The following TGFBR1 variants were observed in gnomAD, a reference collection of about 807,000 sequenced individuals.
The protein encoded by TGFBR1 is transforming growth factor beta receptor 1, also known as TGF-beta receptor type-1.
TGFBR1 carries 20 observed loss-of-function variants against 55.1 expected under a neutral mutation model. The ratio of observed to expected loss-of-function variants is 0.36; its 90% CI spans 0.26 to 0.53. The LOEUF is 0.53. Ranked by LOEUF, TGFBR1 falls within the 20% of genes least tolerant of loss-of-function variation. TGFBR1 has a pLI of 0.91. For synonymous variants in TGFBR1, 220 were observed against 214.8 expected, an observed-to-expected ratio of 1.02 and a Z score of -0.21; for missense variants, 385 against 617.6, an observed-to-expected ratio of 0.62 and a Z score of 3.99.
At chr9:99,125,942 A>G (rs1027727849) in intron 1 of TGFBR1, among the ~76,000 whole-genome samples, 2 of 152,198 alleles carry the variant, frequency 1.3e-5, no homozygotes, top group African/African-American at 4.8e-5. Flanking sequence ...TCCTGAGGCA[A>G]TGAAAGACCC....
At chr9:99,148,486 T>C (rs557814849) in intron 8 of TGFBR1, among the ~76,000 whole-genome samples, 2 of 152,170 alleles carry the variant, frequency 1.3e-5, no homozygotes, top group African/African-American at 4.8e-5. Context: ...GTTTGAAGAT[T>C]TGTAGCTTAA....
chr9:99,104,821 G>T (rs546299138), upstream of TGFBR1, among the ~76,000 whole-genome samples: 1 of 152,318 alleles, frequency 6.6e-6, no homozygotes, highest in African/African-American at 2.4e-5. Flanking sequence ...CGGGGCTAGC[G>T]GCTGAGCGGT....
At chr9:99,138,626 G>T (rs1020836231) in intron 4 of TGFBR1, among the ~76,000 whole-genome samples, 1 of 152,166 alleles carries the variant, frequency 6.6e-6, no homozygotes, top group Admixed American at 6.5e-5. Context: ...TAACTGTACG[G>T]ACACTTTTCT....
intron 1 of TGFBR1, among the ~76,000 whole-genome samples, chr9:99,107,359 A>G (rs538547257): frequency 6.6e-6 from 1 of 152,160 alleles, no homozygotes; most frequent in Non-Finnish European, 1.5e-5. Flanking sequence ...TCTCTGCCCA[A>G]CTTCTGTCTC....
rs1479309854 is a variant in TGFBR1 at position 99,144,775 on chromosome 9, C to G, written c.1017C>G (p.Ile339Met). The G allele has an allele frequency of 5.6e-6, 9 of 1,613,898 alleles. No individual in the cohort carries two copies. The highest frequency in any genetic ancestry group is 6.8e-6 in the Non-Finnish European group (8 of 1,179,912). The change falls in exon 6 of 9, where the codon ATC becomes ATG. Residue 339 changes from isoleucine (I) to methionine (M), a missense_variant. This residue lies in a region of TGFBR1 where 85 missense variants were observed against 228.4 expected (regional missense o/e 0.37). Coordinates refer to ENST00000374994, the MANE Select transcript of TGFBR1 (RefSeq NM_004612.4). ...ATAGAGATTTGAAATCAAAGAATAT[C>G]TTGGTAAAGAAGAATGGAACTTGCT... ...IAHRDLKSKNILVKKNGTCCI... is the reference protein window; with the variant it reads ...IAHRDLKSKNMLVKKNGTCCI...
intron 6 of TGFBR1, chr9:99,145,783 T>G (rs1330495725): frequency 2.0e-5 from 3 of 152,750 alleles, no homozygotes; most frequent in Admixed American, 2.0e-4. Context: ...AACTACTGTC[T>G]TGGCCTTGGA....
At chr9:99,128,434 T>G (rs1313736955) in intron 1 of TGFBR1, among the ~76,000 whole-genome samples, 1 of 150,182 alleles carries the variant, frequency 6.7e-6, no homozygotes. Flanking sequence ...CACACATTGC[T>G]TCTCAAAGGA....
At chr9:99,105,384 A>C in intron 1 of TGFBR1, 82 bp downstream of exon 1, 29 of 932,820 alleles carry the variant, frequency 3.1e-5, no homozygotes, top group South Asian at 4.8e-5. Flanking sequence ...TCTTTCTCAA[A>C]CATGGCGCGG....
rs889497186 is a variant in TGFBR1, at chr9:99,142,771, G to A, written c.973+68G>A. The stretch of plus-strand genomic sequence containing the variant: ...ATGAATAATGTCTATGAAAATAGAA[G>A]GTGGAGGCTGGGCCTGGTGGCTCAT... On this transcript the variant is annotated intron_variant, in intron 5 of 8. Transcript: ENST00000374994. 52 of 1,568,488 alleles carry A rather than the reference G, an allele frequency of 3.3e-5. No homozygotes were observed. The African/African-American group carries it at 5.7e-4, about 17-fold the overall frequency.
At chr9:99,125,198 A>C (rs2118511627) in intron 1 of TGFBR1, among the ~76,000 whole-genome samples, 1 of 152,322 alleles carries the variant, frequency 6.6e-6, no homozygotes, top group East Asian at 1.9e-4. Flanking sequence ...GCAGGAGGGC[A>C]TTAATGACTT....
intron 5 of TGFBR1, 55 bp downstream of exon 5, chr9:99,142,758 T>C (rs1027956550): frequency 1.3e-6 from 2 of 1,590,654 alleles, no homozygotes; most frequent in African/African-American, 2.7e-5. Flanking sequence ...GAATAATGTC[T>C]ATGAAAATAG....
intron 3 of TGFBR1, among the ~76,000 whole-genome samples, chr9:99,136,953 C>G (rs962814433): frequency 5.9e-5 from 9 of 152,150 alleles, no homozygotes; most frequent in African/African-American, 2.2e-4. Context: ...TAAAATGACA[C>G]TTACCGGATG....
intron 1 of TGFBR1, among the ~76,000 whole-genome samples, chr9:99,117,253 A>ATTTTTTTTT (rs34711337): frequency 1.5e-5 from 2 of 135,472 alleles, no homozygotes; most frequent in Non-Finnish European, 1.6e-5. Flanking sequence ...ACGCCTGGCT[A>ATTTTTTTTT]TTTTTTTTTT....
intron 1 of TGFBR1, among the ~76,000 whole-genome samples, chr9:99,109,662 T>C (rs972926194): frequency 2.0e-5 from 3 of 152,240 alleles, no homozygotes; most frequent in Non-Finnish European, 4.4e-5. Flanking sequence ...CCCTTGCAAA[T>C]GTCGACACAC....
chr9:99,114,706 G>T (rs1826684061), intron 1 of TGFBR1, among the ~76,000 whole-genome samples: 1 of 152,210 alleles, frequency 6.6e-6, no homozygotes, highest in African/African-American at 2.4e-5. Flanking sequence ...AATGAATAGA[G>T]AGCAACATGA....
At chr9:99,141,616 A>G (rs570490005) in intron 4 of TGFBR1, among the ~76,000 whole-genome samples, 5 of 152,326 alleles carry the variant, frequency 3.3e-5, no homozygotes, top group South Asian at 4.1e-4. Flanking sequence ...GTGGATTCCA[A>G]CCAGGTTAGA....
rs200986584 is a variant in TGFBR1 at position 99,146,586 on chromosome 9, T to C, written c.1232T>C (p.Ile411Thr). 1.2e-6 allele frequency: 2 copies of C among 1,613,980 alleles called. No homozygotes were observed. Among genetic ancestry groups the C allele is most frequent in the East Asian group, 2.2e-5 (1 of 44,872 alleles). Reference protein sequence around the residue: ...IYAMGLVFWEIARRCSIGGIH... With the variant: ...IYAMGLVFWETARRCSIGGIH... ...GCAATGGGCTTAGTATTCTGGGAAA[T>C]TGCTCGACGATGTTCCATTGGTGGT... is the stretch of plus-strand genomic sequence containing the variant. The change falls in exon 7 of 9, where the codon ATT becomes ACT. Residue 411 changes from isoleucine (I) to threonine (T), a missense_variant. This residue lies in a region of TGFBR1 where 110 missense variants were observed against 154.6 expected (regional missense o/e 0.71). Transcript: ENST00000374994.
rs1554702762 is a variant in TGFBR1 at position 99,149,278 on chromosome 9, C to T, written c.1485C>T (p.Leu495=). ...GGATTAAGAAAACATTATCGCAACT[C>T]AGTCAACAGGAAGGCATCAAAATGT... ...ALRIKKTLSQ[L]SQQEGIKM Residue 495 remains leucine, a synonymous_variant, in exon 9 of 9, where the codon CTC becomes CTT. Transcript: ENST00000374994. 2.5e-6 allele frequency: 4 copies of T among 1,613,734 alleles called. No individual in the cohort carries two copies. The highest frequency in any genetic ancestry group is 2.2e-5 in the East Asian group (1 of 44,876).
intron 1 of TGFBR1, among the ~76,000 whole-genome samples, chr9:99,123,795 G>T (rs1187561202): frequency 6.6e-6 from 1 of 152,170 alleles, no homozygotes; most frequent in Non-Finnish European, 1.5e-5. Flanking sequence ...CTTTTGGGAA[G>T]AAGTTTACCT....
Sources: gnomAD v4.1 joint callset for allele counts (sites outside exome capture counted in the v4.1 genomes callset) on GRCh38, gnomAD v4.1.1 for gene constraint, gnomAD v4.1.1 regional missense constraint, MANE v1.5 for transcripts, NCBI Gene and HGNC (gene_info 2026-07-23, HGNC 2026-07-21) for gene names.